The following RAB3C variants were observed in gnomAD, a reference collection of about 807,000 sequenced individuals.
The protein encoded by RAB3C is RAB3C, member RAS oncogene family, also known as ras-related protein Rab-3C.
In RAB3C, 17 loss-of-function variants were observed where a neutral mutation model predicts 26.4. The observed-to-expected ratio is 0.64, with a 90% CI of 0.44 to 0.97. The LOEUF is 0.97. RAB3C is among the 50% of genes least tolerant of loss of function. The pLI, the probability that RAB3C is intolerant of heterozygous loss-of-function variation, is 0.00. For missense variants in RAB3C, 242 were observed against 281.9 expected, an observed-to-expected ratio of 0.86 and a Z score of 1.01; for synonymous variants, 91 against 95.9, an observed-to-expected ratio of 0.95 and a Z score of 0.30.
At chr5:58,782,023 A>C (rs1742280368) in intron 3 of RAB3C, among the ~76,000 whole-genome samples, 1 of 152,158 alleles carries the variant, frequency 6.6e-6, no homozygotes, top group Non-Finnish European at 1.5e-5. Context: ...TTTTGAGTGC[A>C]TATCTTATCA....
In RAB3C at chr5:58,744,140, A is replaced by C. The variant is rs549860183; in HGVS notation, c.371+18020A>C. ...CATATAACAAGTCCTGGTCATGTAC[A>C]AGGACAAGATCTGCAGTGGAACCAG... On this transcript the variant is annotated intron_variant, in intron 3 of 4. Coordinates refer to ENST00000282878, the MANE Select transcript of RAB3C (RefSeq NM_138453.4). Among the ~76,000 whole-genome samples the C allele has an allele frequency of 3.3e-5, 5 of 152,340 alleles. No individual in the cohort carries two copies. The South Asian group carries it at 1.0e-3, about 32-fold the overall frequency.
intron 3 of RAB3C, among the ~76,000 whole-genome samples, chr5:58,774,730 T>C (rs760949882): frequency 3.3e-5 from 5 of 152,008 alleles, no homozygotes; most frequent in Non-Finnish European, 5.9e-5. Flanking sequence ...CAAGCCATGA[T>C]ATGAAGGAGG....
chr5:58,630,652 A>G (rs1326650338), intron 2 of RAB3C, among the ~76,000 whole-genome samples: 1 of 152,170 alleles, frequency 6.6e-6, no homozygotes, highest in African/African-American at 2.4e-5. Flanking sequence ...TTTCCACTGT[A>G]CACTCATGGG....
rs1229545189 is a variant in RAB3C at position 58,859,048 on chromosome 5, G to C, written c.*7697G>C. 6.6e-6 allele frequency: 1 copy of C among 152,116 alleles called. No individual in the cohort carries two copies. The highest frequency in any genetic ancestry group is 1.5e-5 in the Non-Finnish European group (1 of 68,022). 9.4% of individuals were successfully genotyped at this position (152,116 alleles called of 1,614,324 possible). A position where few individuals can be genotyped will look rare whatever the true frequency, so the allele number is the denominator to read the frequency against. ...TCTTCCTTTGGAACCAGGCACATTT[G>C]GCCCCTTCTCAGTGACTGCACTGTG... is the stretch of plus-strand genomic sequence containing the variant. On this transcript the variant is annotated 3_prime_UTR_variant, in exon 5 of 5. Coordinates refer to ENST00000282878, the MANE Select transcript of RAB3C (RefSeq NM_138453.4).
In RAB3C at chr5:58,627,515, A is replaced by AAAAAAAAAAAAAAAAAAC. The variant is rs1325212744; in HGVS notation, c.252+9649_252+9650insAAAAAAAAAAAAACAAAA. Among the ~76,000 whole-genome samples the AAAAAAAAAAAAAAAAAAC allele has an allele frequency of 7.8e-4, 47 of 60,570 alleles. 7 individuals are homozygous for AAAAAAAAAAAAAAAAAAC. Among genetic ancestry groups the AAAAAAAAAAAAAAAAAAC allele is most frequent in the Non-Finnish European group, 1.3e-3 (39 of 30,326 alleles). The allele number at this position is 60,570 out of a possible 152,430, so 39.7% of individuals were successfully genotyped here. On this transcript the variant is annotated intron_variant, in intron 2 of 4. Transcript: ENST00000282878. Reference sequence around the variant, plus strand: ...AAAAAAAAAAAAAAAAAAAAAAAAAAAAAACACAGCTTAAATTCGGTGCAA... The same window carrying AAAAAAAAAAAAAAAAAAC: ...AAAAAAAAAAAAAAAAAAAAAAAAAAAAAAAAAAAAAAAAAAACAAAACACAGCTTAAATTCGGTGCAA...
At chr5:58,635,788 G>T (rs1747277784) in intron 2 of RAB3C, among the ~76,000 whole-genome samples, 1 of 152,144 alleles carries the variant, frequency 6.6e-6, no homozygotes, top group Admixed American at 6.5e-5. Context: ...GGCAGTCCAT[G>T]ATCATGATAT....
At chr5:58,612,833 T>G (rs1746744157) in intron 1 of RAB3C, among the ~76,000 whole-genome samples, 1 of 151,972 alleles carries the variant, frequency 6.6e-6, no homozygotes, top group African/African-American at 2.4e-5. Context: ...CTTGCCTGAT[T>G]GCCCTGACCA....
rs1169350487 is a variant in RAB3C, at chr5:58,792,483, CAA to C, written c.372-32552_372-32551del. Among the ~76,000 whole-genome samples, 4 of 151,730 alleles carry C rather than the reference CAA, an allele frequency of 2.6e-5. No individual in the cohort carries two copies. In the East Asian group the frequency reaches 7.7e-4, roughly 29 times the overall value. On this transcript the variant is annotated intron_variant, in intron 3 of 4. Transcript: ENST00000282878. ...TACAAAGGAAAGGGGAAAGTGGAAACAAAAGAGAGGAGAGCAACAGATGCAAA... is the reference window on the plus strand; with the variant it reads ...TACAAAGGAAAGGGGAAAGTGGAAACAAGAGAGGAGAGCAACAGATGCAAA...
chr5:58,586,062 T>A (rs1017934845), intron 1 of RAB3C, among the ~76,000 whole-genome samples: 1 of 152,058 alleles, frequency 6.6e-6, no homozygotes, highest in African/African-American at 2.4e-5. Context: ...GAACAAATTC[T>A]AGTTTATCTA....
chr5:58,826,133 G>A (rs1419526265), intron 4 of RAB3C, among the ~76,000 whole-genome samples: 1 of 152,090 alleles, frequency 6.6e-6, no homozygotes, highest in African/African-American at 2.4e-5. Context: ...TAGGAGTGGA[G>A]TGTGATGGGA....
chr5:58,845,177 A>AC (rs757215594), intron 4 of RAB3C, among the ~76,000 whole-genome samples: 33 of 152,290 alleles, frequency 2.2e-4, no homozygotes, highest in Non-Finnish European at 3.7e-4. Context: ...AGTGAGCAGC[A>AC]CACTTCTGGC....
intron 3 of RAB3C, among the ~76,000 whole-genome samples, chr5:58,806,939 G>C (rs1742953778): frequency 6.6e-6 from 1 of 152,154 alleles, no homozygotes; most frequent in Admixed American, 6.5e-5. Context: ...CAGTGTCAAA[G>C]GAAGGTAAGT....
chr5:58,606,773 C>T (rs561738771), intron 1 of RAB3C, among the ~76,000 whole-genome samples: 31 of 152,292 alleles, frequency 2.0e-4, no homozygotes, highest in African/African-American at 6.5e-4. Context: ...CAGGCAAACA[C>T]GGTCTGGAGT....
rs1744229011 is a variant in RAB3C, at chr5:58,855,085, GGTTCATTGT to G, written c.*3736_*3744del. 1 of 152,092 alleles carries G rather than the reference GGTTCATTGT, an allele frequency of 6.6e-6. No individual in the cohort carries two copies. The highest frequency in any genetic ancestry group is 1.5e-5 in the Non-Finnish European group (1 of 68,012). 9.4% of individuals were successfully genotyped at this position (152,092 alleles called of 1,614,324 possible). On this transcript the variant is annotated 3_prime_UTR_variant, in exon 5 of 5. Transcript: ENST00000282878. ...TAGAGCATGGTAGTCCATAATCAGT[GGTTCATTGT>G]GATGTGCTTTATCCAACATGTATCT...
intron 3 of RAB3C, among the ~76,000 whole-genome samples, chr5:58,775,414 A>G (rs1183967931): frequency 6.6e-6 from 1 of 152,074 alleles, no homozygotes; most frequent in African/African-American, 2.4e-5. Flanking sequence ...TGGCAGGTTT[A>G]ATGAAATCAT....
At chr5:58,813,823 A>T (rs533538156) in intron 3 of RAB3C, among the ~76,000 whole-genome samples, 1 of 73,744 alleles carries the variant, frequency 1.4e-5, no homozygotes, top group South Asian at 3.6e-4. Context: ...GAATTTACCA[A>T]GTTACAAAAT....
At chr5:58,796,980 C>G (rs1229447512) in intron 3 of RAB3C, among the ~76,000 whole-genome samples, 1 of 140,930 alleles carries the variant, frequency 7.1e-6, no homozygotes, top group Non-Finnish European at 1.6e-5. Flanking sequence ...CATTTCTGAC[C>G]CACTACACAC....
At chr5:58,589,675 C>T (rs1746088198) in intron 1 of RAB3C, among the ~76,000 whole-genome samples, 1 of 152,120 alleles carries the variant, frequency 6.6e-6, no homozygotes, top group Non-Finnish European at 1.5e-5. Context: ...CCAAAATTCT[C>T]CATGGCCTAA....
chr5:58,689,678 T>G (rs10070407), intron 2 of RAB3C, among the ~76,000 whole-genome samples: 7,590 of 152,046 alleles, frequency 0.05, 639 homozygotes, highest in African/African-American at 0.17. Context: ...AATTATTTCT[T>G]AAAGAGAATC....
Sources: allele counts gnomAD v4.1 joint callset (sites outside exome capture counted in the v4.1 genomes callset), GRCh38; gene constraint gnomAD v4.1.1; transcripts MANE v1.5; gene names NCBI Gene and HGNC (gene_info 2026-07-23, HGNC 2026-07-21).